TUSC3: variants seen among roughly 807,000 people sequenced by gnomAD.
TUSC3 encodes the protein dolichyl-diphosphooligosaccharide--protein glycosyltransferase subunit TUSC3.
TUSC3 carries 45 observed loss-of-function variants against 44.8 expected under a neutral mutation model. The ratio of observed to expected loss-of-function variants is 1.00; its 90% CI spans 0.79 to 1.29. TUSC3 has a LOEUF of 1.29. Among genes scored for constraint, TUSC3 ranks in the 50% most tolerant of loss-of-function variants. The pLI is 0.00. For missense variants in TUSC3, 519 were observed against 437.9 expected (o/e 1.19, Z -1.65); for synonymous variants, 212 against 152.9 (o/e 1.39, Z -2.85).
At chr8:15,517,630 C>G (rs78927882) in intron 2 of TUSC3, among the ~76,000 whole-genome samples, 7 of 141,406 alleles carry the variant, frequency 5.0e-5, no homozygotes, top group Non-Finnish European at 9.0e-5. Flanking sequence ...ACAAAATTTA[C>G]GAATGTATAC....
Position 15,603,577 on chromosome 8 carries a change from A to C in TUSC3, c.139-19503A>C, listed in dbSNP as rs549268366. On this transcript the variant is annotated intron_variant, in intron 1 of 10. Transcript: ENST00000503731. ...GATTATAAAAGATAGTCATATTGAA[A>C]TATCATTATTACAATATAAAAATAT... 8.8e-4 allele frequency among the ~76,000 whole-genome samples: 134 copies of C among 151,818 alleles called. 1 individual carries two copies. Among genetic ancestry groups the C allele is most frequent in the African/African-American group, 3.0e-3 (125 of 41,518 alleles).
chr8:15,552,063 G>T, intron 1 of TUSC3, among the ~76,000 whole-genome samples: 1 of 151,690 alleles, frequency 6.6e-6, no homozygotes. Context: ...GCCCAAAGTA[G>T]ACAAGCCTTA....
chr8:15,762,589 T>C (rs13271738), intron 10 of TUSC3, among the ~76,000 whole-genome samples: 54,126 of 151,874 alleles, frequency 0.36, 11,199 homozygotes, highest in Non-Finnish European at 0.47. Context: ...CCTTTAGTGC[T>C]CCGTAACTTG....
chr8:15,775,729 T>C, the TUSC3 span, among the ~76,000 whole-genome samples: 2 of 124,722 alleles, frequency 1.6e-5, no homozygotes, highest in South Asian at 2.6e-4. Flanking sequence ...CACACAAACA[T>C]ATATAACTAT....
chr8:15,795,701 G>A, the TUSC3 span, among the ~76,000 whole-genome samples: 1 of 152,222 alleles, frequency 6.6e-6, no homozygotes. Flanking sequence ...ATTCGTTGGA[G>A]TGCCCCAGGT....
intron 7 of TUSC3, among the ~76,000 whole-genome samples, chr8:15,734,365 T>C (rs912749974): frequency 6.6e-6 from 1 of 152,152 alleles, no homozygotes; most frequent in African/African-American, 2.4e-5. Context: ...AATAAAAATA[T>C]CTCCATATCA....
intron 1 of TUSC3, among the ~76,000 whole-genome samples, chr8:15,566,771 G>A (rs1029860330): frequency 1.3e-5 from 2 of 152,002 alleles, no homozygotes; most frequent in African/African-American, 2.4e-5. Context: ...TTATAGGCAC[G>A]TGTCATCATG....
chr8:15,584,355 T>C (rs1455268714), intron 1 of TUSC3, among the ~76,000 whole-genome samples: 1 of 152,216 alleles, frequency 6.6e-6, no homozygotes, highest in Non-Finnish European at 1.5e-5. Context: ...GAAAAGATTC[T>C]GCTTACATGT....
chr8:15,593,379 C>T (rs747652905), intron 1 of TUSC3, among the ~76,000 whole-genome samples: 6 of 152,172 alleles, frequency 3.9e-5, no homozygotes, highest in Non-Finnish European at 8.8e-5. Flanking sequence ...AGCCACCACA[C>T]CCGGTCAGTA....
At chr8:15,636,157 G>A (rs1806063808) in intron 2 of TUSC3, among the ~76,000 whole-genome samples, 1 of 152,078 alleles carries the variant, frequency 6.6e-6, no homozygotes. Context: ...GTATTACACA[G>A]CTGTTTCTGA....
At chr8:15,485,957 AT>A in intron 2 of TUSC3, among the ~76,000 whole-genome samples, 1 of 151,604 alleles carries the variant, frequency 6.6e-6, no homozygotes, top group African/African-American at 2.4e-5. Flanking sequence ...AGCCCGGCTT[AT>A]TTTTTTTGTA....
At chr8:15,574,761 A>G (rs916905095) in intron 1 of TUSC3, among the ~76,000 whole-genome samples, 24 of 152,304 alleles carry the variant, frequency 1.6e-4, no homozygotes, top group African/African-American at 3.8e-4. Flanking sequence ...AAATGGATCA[A>G]TGAAACATTA....
At chr8:15,790,385 A>C in the TUSC3 span, among the ~76,000 whole-genome samples, 1 of 152,038 alleles carries the variant, frequency 6.6e-6, no homozygotes, top group Admixed American at 6.5e-5. Context: ...GGGTTTCACC[A>C]TGTTGGCCGG....
intron 2 of TUSC3, among the ~76,000 whole-genome samples, chr8:15,636,857 G>A (rs1806101690): frequency 1.3e-5 from 2 of 152,168 alleles, no homozygotes; most frequent in African/African-American, 2.4e-5. Context: ...TTCTTTCACT[G>A]CTGGGGAAAT....
At chr8:15,483,756 T>C (rs143156528) in intron 2 of TUSC3, among the ~76,000 whole-genome samples, 8,729 of 145,392 alleles carry the variant, frequency 0.06, 274 homozygotes, top group South Asian at 0.11. Context: ...CCCGAGTTCA[T>C]GCCATTCTCC....
chr8:15,611,190 T>C (rs1585151263), intron 1 of TUSC3, among the ~76,000 whole-genome samples: 1 of 152,160 alleles, frequency 6.6e-6, no homozygotes, highest in Non-Finnish European at 1.5e-5. Context: ...TTGTTGTTGC[T>C]GTTGTTGTTT....
At chr8:15,819,900 A>G in the TUSC3 span, among the ~76,000 whole-genome samples, 1 of 152,158 alleles carries the variant, frequency 6.6e-6, no homozygotes, top group African/African-American at 2.4e-5. Flanking sequence ...TTCATTTATT[A>G]TATGTTTTTC....
At chr8:15,600,979 T>C (rs1187715914) in intron 1 of TUSC3, among the ~76,000 whole-genome samples, 1 of 146,404 alleles carries the variant, frequency 6.8e-6, no homozygotes, top group Non-Finnish European at 1.5e-5. Flanking sequence ...TAAAATAATA[T>C]TTTTTTTCTC....
intron 2 of TUSC3, among the ~76,000 whole-genome samples, chr8:15,636,561 C>T (rs1336754295): frequency 6.6e-6 from 1 of 152,170 alleles, no homozygotes; most frequent in African/African-American, 2.4e-5. Context: ...GAAGACAACT[C>T]ATGTTGCCGT....
Sources: allele counts gnomAD v4.1 joint callset (sites outside exome capture counted in the v4.1 genomes callset), GRCh38; gene constraint gnomAD v4.1.1; transcripts MANE v1.5; gene names NCBI Gene and HGNC (gene_info 2026-07-23, HGNC 2026-07-21).